COBL: variants seen among roughly 807,000 people sequenced by gnomAD.
COBL encodes cordon-bleu WH2 repeat protein.
COBL carries 51 observed loss-of-function variants against 98.8 expected under a neutral mutation model. That is an observed-to-expected ratio of 0.52 (90% confidence interval 0.41 to 0.65). COBL has a LOEUF of 0.65. Among genes scored for constraint, COBL ranks in the 30% least tolerant of loss-of-function variants. COBL has a pLI of 0.00. For synonymous variants in COBL, 634 were observed against 651.7 expected (o/e 0.97, Z 0.41); for missense variants, 1,617 against 1,617.5 (o/e 1.00, Z 0.01).
In COBL at chr7:51,040,833, T is replaced by C. The variant is rs1473328393; in HGVS notation, c.1406+2550A>G. On this transcript the variant is annotated intron_variant, in intron 8 of 12. Coordinates refer to ENST00000265136, the MANE Select transcript of COBL (RefSeq NM_015198.5). ...TCAATGATTATTCTGGCTGTGGCCA[T>C]AGTCAATATTAACCCTCATTATTTG... is the stretch of plus-strand genomic sequence containing the variant. 3.3e-5 allele frequency among the ~76,000 whole-genome samples: 5 copies of C among 152,222 alleles called. 1 individual carries two copies. The East Asian group carries it at 5.8e-4, about 18-fold the overall frequency.
At chr7:51,304,238 G>A (rs1310431070) in intron 1 of COBL, among the ~76,000 whole-genome samples, 1 of 152,172 alleles carries the variant, frequency 6.6e-6, no homozygotes, top group Non-Finnish European at 1.5e-5. Context: ...AAAACACAAT[G>A]ACCTCTATTT....
chr7:51,148,053 C>T (rs956798063), intron 5 of COBL, among the ~76,000 whole-genome samples: 3 of 152,206 alleles, frequency 2.0e-5, no homozygotes, highest in South Asian at 4.1e-4. Context: ...TGAGCCACCA[C>T]ACCCAGCCAC....
At chr7:51,204,343 A>G (rs1255843123) in intron 2 of COBL, among the ~76,000 whole-genome samples, 1 of 152,222 alleles carries the variant, frequency 6.6e-6, no homozygotes, top group African/African-American at 2.4e-5. Context: ...CTTCTATTCA[A>G]TACAGTACTG....
intron 7 of COBL, among the ~76,000 whole-genome samples, chr7:51,067,335 C>T (rs1347198979): frequency 6.6e-6 from 1 of 152,166 alleles, no homozygotes; most frequent in African/African-American, 2.4e-5. Flanking sequence ...ATATGTACAC[C>T]ATGTGTAGGC....
intron 1 of COBL, among the ~76,000 whole-genome samples, chr7:51,265,356 C>G (rs931329219): frequency 1.3e-5 from 2 of 152,144 alleles, no homozygotes; most frequent in Non-Finnish European, 2.9e-5. Flanking sequence ...AGGGGCTGTT[C>G]CCCATCCACT....
chr7:51,028,439 A>C lies in COBL; in HGVS notation c.2657T>G (p.Val886Gly). The C allele has an allele frequency of 6.2e-7, 1 of 1,614,268 alleles. No individual in the cohort carries two copies. Among genetic ancestry groups the C allele is most frequent in the African/African-American group, 1.3e-5 (1 of 75,072 alleles). ...IGAPKVHADV[V>G]RPHGYAEKGY... ...CTTCTCGGCATAACCGTGTGGCCTC[A>C]CCACATCAGCATGGACTTTTGGGGC... The change falls in exon 10 of 13, where the codon GTG (valine) becomes GGG (glycine). Residue 886 changes from valine (V) to glycine (G), a missense_variant. Transcript: ENST00000265136.
intron 6 of COBL, among the ~76,000 whole-genome samples, chr7:51,098,350 C>G (rs543429446): frequency 6.6e-6 from 1 of 151,696 alleles, no homozygotes; most frequent in Non-Finnish European, 1.5e-5. Flanking sequence ...AAGCCTCACA[C>G]TTTCTGGTTT....
intron 1 of COBL, among the ~76,000 whole-genome samples, chr7:51,238,872 C>T (rs965912847): frequency 6.6e-6 from 1 of 152,132 alleles, no homozygotes; most frequent in Non-Finnish European, 1.5e-5. Context: ...CCCGGGAGTC[C>T]CCGGTGAAGG....
In COBL at chr7:51,193,513, G is replaced by T. The variant is rs202232985; in HGVS notation, c.322C>A (p.Arg108=). ...AAAGGTTGTTGGGTTTCTGAAGACC[G>T]AATTTCAAGGGCATGGTGGGATGGA... ...LNPSHHALEI[R]SSETQQPLSF... is the part of the protein sequence containing the mutation. The change falls in exon 3 of 13, where the codon CGG becomes AGG. Residue 108 remains arginine, a synonymous_variant. Coordinates refer to ENST00000265136, the MANE Select transcript of COBL (RefSeq NM_015198.5). 6.2e-7 allele frequency: 1 copy of T among 1,614,188 alleles called. No individual in the cohort carries two copies. The highest frequency in any genetic ancestry group is 1.3e-5 in the African/African-American group (1 of 75,050).
At chr7:51,247,250 G>C (rs1272387153) in intron 1 of COBL, among the ~76,000 whole-genome samples, 1 of 152,116 alleles carries the variant, frequency 6.6e-6, no homozygotes, top group African/African-American at 2.4e-5. Context: ...AACACCATGA[G>C]CTTGGAGTCT....
intron 7 of COBL, among the ~76,000 whole-genome samples, chr7:51,077,130 C>T (rs948555296): frequency 2.0e-5 from 3 of 152,140 alleles, no homozygotes; most frequent in Admixed American, 6.5e-5. Flanking sequence ...ATGAAAAATC[C>T]GTATGCACAC....
intron 6 of COBL, 38 bp from the exon 7 acceptor site, chr7:51,085,342 T>C (rs768464252): frequency 2.0e-6 from 1 of 495,778 alleles, no homozygotes; most frequent in Admixed American, 6.4e-5. Context: ...ATCAAAGTAC[T>C]TTGTACCTAT....
intron 1 of COBL, among the ~76,000 whole-genome samples, chr7:51,241,611 A>AAG (rs1795803532): frequency 6.6e-6 from 1 of 152,240 alleles, no homozygotes; most frequent in South Asian, 2.1e-4. Flanking sequence ...CTGTCATTGG[A>AAG]AGAGCAGTTT....
intron 1 of COBL, among the ~76,000 whole-genome samples, chr7:51,265,787 T>C (rs780278435): frequency 3.5e-4 from 54 of 152,158 alleles, no homozygotes; most frequent in Non-Finnish European, 5.1e-4. Flanking sequence ...TCAAAGTCCA[T>C]GTGGATCAAC....
intron 5 of COBL, among the ~76,000 whole-genome samples, chr7:51,166,754 T>C (rs1787355333): frequency 6.6e-6 from 1 of 152,054 alleles, no homozygotes; most frequent in South Asian, 2.1e-4. Flanking sequence ...GATCATTCAT[T>C]GTGGTCAAGA....
At chr7:51,039,265 T>A (rs1268589910) in intron 8 of COBL, among the ~76,000 whole-genome samples, 1 of 152,242 alleles carries the variant, frequency 6.6e-6, no homozygotes, top group Admixed American at 6.5e-5. Flanking sequence ...CTGTTTAGTG[T>A]TCTAATAGGG....
intron 1 of COBL, among the ~76,000 whole-genome samples, chr7:51,288,982 G>A (rs1177704377): frequency 6.6e-6 from 1 of 152,008 alleles, no homozygotes; most frequent in African/African-American, 2.4e-5. Context: ...TAGTCCTCAG[G>A]AGTGCAGGGC....
rs116385868 is a variant in COBL, at chr7:51,049,634, C to T, written c.1097-5942G>A. On this transcript the variant is annotated intron_variant, in intron 7 of 12. Transcript: ENST00000265136. ...GGGGTCACTCATTCTAATTAGAGGA[C>T]ACAGGAAAGTGACCATTGGACTGCG... Among the ~76,000 whole-genome samples, 532 of 152,226 alleles carry T rather than the reference C, an allele frequency of 3.5e-3. 2 individuals are homozygous for T. Among genetic ancestry groups the T allele is most frequent in the African/African-American group, 0.012 (489 of 41,538 alleles).
At chr7:51,106,175 G>C (rs1313153466) in intron 6 of COBL, among the ~76,000 whole-genome samples, 1 of 139,218 alleles carries the variant, frequency 7.2e-6, no homozygotes, top group Admixed American at 7.7e-5. Flanking sequence ...TCGCACTCCA[G>C]CCTGGGTGAC....
Sources: allele counts gnomAD v4.1 joint callset (sites outside exome capture counted in the v4.1 genomes callset), GRCh38; gene constraint gnomAD v4.1.1; transcripts MANE v1.5; gene names NCBI Gene and HGNC (gene_info 2026-07-23, HGNC 2026-07-21).